RNF6: variants seen among roughly 807,000 people sequenced by gnomAD.
The protein encoded by RNF6 is E3 ubiquitin-protein ligase RNF6.
Under a neutral mutation model 50.1 loss-of-function variants are expected in RNF6, and 21 were observed. That is an observed-to-expected ratio of 0.42 (90% confidence interval 0.30 to 0.60). The LOEUF (loss-of-function observed/expected upper bound fraction) is 0.60. Among genes scored for constraint, RNF6 ranks in the 20% least tolerant of loss-of-function variants. The pLI is 0.20. For missense variants in RNF6, 698 were observed against 838.2 expected, an observed-to-expected ratio of 0.83 and a Z score of 2.07; for synonymous variants, 255 against 291.8, an observed-to-expected ratio of 0.87 and a Z score of 1.29.
At chr13:26,157,513 A>G (rs1871990436) in intron 5 of RNF6, among the ~76,000 whole-genome samples, 1 of 152,172 alleles carries the variant, frequency 6.6e-6, no homozygotes, top group East Asian at 1.9e-4. Context: ...CTAGTATACA[A>G]AAAGTCTTTA....
In RNF6 at chr13:26,214,846, T is replaced by C. The variant is rs1296067562; in HGVS notation, c.1036A>G (p.Arg346Gly). The change falls in exon 5 of 5, where the codon AGA (arginine) becomes GGA (glycine). Residue 346 changes from arginine (R) to glycine (G), a missense_variant. Transcript: ENST00000381588. ...TTRRSVRRRG[R>G]TRVFLEQDRE... Reference sequence around the variant, plus strand: ...TCTTGCTCTAAAAAGACTCGAGTTCTACCTCTCCTCCTAACAGATCTTCTA... The same window carrying C: ...TCTTGCTCTAAAAAGACTCGAGTTCCACCTCTCCTCCTAACAGATCTTCTA... 2.5e-6 allele frequency: 4 copies of C among 1,614,236 alleles called. No homozygotes were observed. Among genetic ancestry groups the C allele is most frequent in the Non-Finnish European group, 3.4e-6 (4 of 1,180,032 alleles).
At chr13:26,151,647 A>AT (rs1484717876) in intron 5 of RNF6, among the ~76,000 whole-genome samples, 3 of 131,352 alleles carry the variant, frequency 2.3e-5, no homozygotes, top group East Asian at 2.2e-4. Context: ...CAGAGGAGAC[A>AT]TTTTTTGGAG....
intron 5 of RNF6, among the ~76,000 whole-genome samples, chr13:26,148,789 G>A (rs533963098): frequency 8.0e-5 from 12 of 150,602 alleles, no homozygotes; most frequent in Non-Finnish European, 1.5e-4. Context: ...TCTGCAGGGT[G>A]AGTTGACAAG....
At chr13:26,160,413 A>G (rs1258454636) in intron 5 of RNF6, among the ~76,000 whole-genome samples, 1 of 152,074 alleles carries the variant, frequency 6.6e-6, no homozygotes, top group African/African-American at 2.4e-5. Context: ...TTTAAGAGAT[A>G]GAGTCTCACT....
chr13:26,170,377 G>A (rs953189899), intron 5 of RNF6, among the ~76,000 whole-genome samples: 4 of 152,160 alleles, frequency 2.6e-5, no homozygotes, highest in Non-Finnish European at 4.4e-5. Context: ...ACTCGTTGAC[G>A]GTCCTATAGT....
Position 26,214,970 on chromosome 13 carries a change from T to C in RNF6, c.912A>G (p.Arg304=). 3.1e-6 allele frequency: 5 copies of C among 1,614,226 alleles called. No homozygotes were observed. Among genetic ancestry groups the C allele is most frequent in the Non-Finnish European group, 4.2e-6 (5 of 1,180,038 alleles). The change falls in exon 5 of 5, where the codon CGA becomes CGG. Residue 304 remains arginine, a synonymous_variant. Coordinates refer to ENST00000381588, the MANE Select transcript of RNF6 (RefSeq NM_005977.4). ...AACGGCTTCGACTATTGGAAGTAGA[T>C]CGTAATCTTATTGGCTCTAATCTTT... ...TNQRLEPIRL[R]STSNSRSRSP... is the part of the protein sequence containing the mutation.
intron 5 of RNF6, among the ~76,000 whole-genome samples, chr13:26,162,607 A>G (rs1320238028): frequency 1.3e-5 from 2 of 152,222 alleles, no homozygotes; most frequent in Non-Finnish European, 2.9e-5. Context: ...GCTTTTCCTC[A>G]ATGGATGAGA....
chr13:26,169,759 C>T (rs1593163325), intron 5 of RNF6, among the ~76,000 whole-genome samples: 1 of 152,174 alleles, frequency 6.6e-6, no homozygotes, highest in Middle Eastern at 3.4e-3. Flanking sequence ...CTAAAATTAC[C>T]TCCTGTCATG....
intron 5 of RNF6, among the ~76,000 whole-genome samples, chr13:26,200,559 C>A (rs528133548): frequency 6.6e-6 from 1 of 152,242 alleles, no homozygotes; most frequent in South Asian, 2.1e-4. Context: ...GTGCCCACCA[C>A]CACACCAGCT....
intron 5 of RNF6, among the ~76,000 whole-genome samples, chr13:26,178,123 A>G (rs1322337455): frequency 6.6e-6 from 1 of 152,194 alleles, no homozygotes; most frequent in Non-Finnish European, 1.5e-5. Context: ...TGGGAGGCAG[A>G]GGTTGCAGTG....
At chr13:26,178,434 G>A (rs1172537880) in intron 5 of RNF6, among the ~76,000 whole-genome samples, 2 of 143,094 alleles carry the variant, frequency 1.4e-5, no homozygotes, top group African/African-American at 2.6e-5. Context: ...CTATCCCCAT[G>A]ACCTAAACAC....
At chr13:26,132,374 G>T (rs1479431274) in exon 6 of RNF6, 3 of 447,614 alleles carry the variant, frequency 6.7e-6, no homozygotes, top group Non-Finnish European at 1.3e-5. Context: ...ATGAAGATGA[G>T]GTGCTTCACA....
chr13:26,155,045 C>CAA (rs145217433), intron 5 of RNF6, among the ~76,000 whole-genome samples: 2,055 of 146,236 alleles, frequency 0.014, 34 homozygotes, highest in African/African-American at 0.045. Context: ...AAGCAAAAAA[C>CAA]AAAAAAAAAA....
chr13:26,165,316 T>C (rs1001941451), intron 5 of RNF6, among the ~76,000 whole-genome samples: 17 of 152,210 alleles, frequency 1.1e-4, no homozygotes, highest in African/African-American at 4.1e-4. Context: ...TGGAAACGCC[T>C]GGATGTCTAG....
chr13:26,180,431 G>T (rs1033055619), intron 5 of RNF6, among the ~76,000 whole-genome samples: 6 of 152,098 alleles, frequency 3.9e-5, no homozygotes, highest in Non-Finnish European at 4.4e-5. Context: ...CCATTTGAGG[G>T]TGACAGGTAC....
chr13:26,203,402 C>A (rs1232930762), intron 5 of RNF6, among the ~76,000 whole-genome samples: 2 of 152,174 alleles, frequency 1.3e-5, no homozygotes, highest in South Asian at 2.1e-4. Flanking sequence ...TAAGCCAGAA[C>A]CAAATTGTGA....
chr13:26,187,508 T>C (rs1873613264), intron 5 of RNF6, among the ~76,000 whole-genome samples: 2 of 152,160 alleles, frequency 1.3e-5, no homozygotes, highest in African/African-American at 4.8e-5. Context: ...TCTGGTGAAC[T>C]GGTTATAAAA....
rs1054173288 is a variant in RNF6, at chr13:26,198,824, C to G, written n.768+16650G>C. On this transcript the variant is annotated intron_variant and non_coding_transcript_variant, in intron 5 of 5. Coordinates refer to the RNF6 transcript ENST00000468480. ...GCTCAAAATACAAAAATCAATTGTA[C>G]AGGTATAGGTAAATAATAAATGGTT... 3.3e-5 allele frequency among the ~76,000 whole-genome samples: 5 copies of G among 151,712 alleles called. 1 individual carries two copies. The highest frequency in any genetic ancestry group is 1.2e-4 in the African/African-American group (5 of 41,126).
chr13:26,181,532 T>C (rs1354488626), intron 5 of RNF6, among the ~76,000 whole-genome samples: 1 of 152,178 alleles, frequency 6.6e-6, no homozygotes. Flanking sequence ...GGTGGAAATG[T>C]CCACGTCCAG....
Sources: gnomAD v4.1 joint callset for allele counts (sites outside exome capture counted in the v4.1 genomes callset) on GRCh38, gnomAD v4.1.1 for gene constraint, MANE v1.5 for transcripts, NCBI Gene and HGNC (gene_info 2026-07-23, HGNC 2026-07-21) for gene names.